The following SMOC1 variants were observed in gnomAD, a reference collection of about 807,000 sequenced individuals.
SMOC1 encodes SPARC related modular calcium binding 1.
A neutral mutation model predicts 56.3 loss-of-function variants in SMOC1; 22 were observed. The observed-to-expected ratio is 0.39, with a 90% CI of 0.28 to 0.56. The LOEUF is 0.56. Ranked by LOEUF, SMOC1 falls within the 20% of genes least tolerant of loss-of-function variation. The pLI, the probability that SMOC1 is intolerant of heterozygous loss-of-function variation, is 0.61. For missense variants in SMOC1, 509 were observed against 565.4 expected (o/e 0.90, Z 1.01); for synonymous variants, 193 against 215.0 (o/e 0.90, Z 0.89).
intron 1 of SMOC1, among the ~76,000 whole-genome samples, chr14:69,917,447 A>C (rs761677841): frequency 1.3e-5 from 2 of 152,232 alleles, no homozygotes; most frequent in Non-Finnish European, 2.9e-5. Flanking sequence ...TTGCATTAAA[A>C]GAAAACAAAA....
intron 6 of SMOC1, among the ~76,000 whole-genome samples, chr14:69,993,643 G>A (rs1884651642): frequency 6.6e-6 from 1 of 152,178 alleles, no homozygotes; most frequent in South Asian, 2.1e-4. Context: ...GCTCACTTAT[G>A]GGAAGTTTTG....
rs976845776 is a variant in SMOC1 at position 70,031,681 on chromosome 14, G to T, written c.*1423G>T. ...GCATCTTCCGCGGATTCTAGGGTGG[G>T]CTGCCCAGCCTTCTGGTCTGAGGCG... On this transcript the variant is annotated 3_prime_UTR_variant, in exon 12 of 12. Transcript: ENST00000361956. 3 of 152,288 alleles carry T rather than the reference G, an allele frequency of 2.0e-5. No individual in the cohort carries two copies. The East Asian group carries it at 5.8e-4, about 29-fold the overall frequency. The allele number at this position is 152,288 out of a possible 1,614,324, so 9.4% of individuals were successfully genotyped here.
At chr14:69,975,843 A>G (rs1322256576) in intron 4 of SMOC1, 29 bp downstream of exon 4, 3 of 1,548,188 alleles carry the variant, frequency 1.9e-6, no homozygotes, top group Non-Finnish European at 2.7e-6. Flanking sequence ...GGAAGAATGA[A>G]AAGGGTTGGA....
At chr14:69,903,569 T>C (rs1884321310) in intron 1 of SMOC1, among the ~76,000 whole-genome samples, 1 of 152,252 alleles carries the variant, frequency 6.6e-6, no homozygotes, top group African/African-American at 2.4e-5. Context: ...GAAAAATTCC[T>C]CTGCCTTGGG....
chr14:69,908,889 GGT>G (rs143641408), intron 1 of SMOC1, among the ~76,000 whole-genome samples: 13 of 151,842 alleles, frequency 8.6e-5, no homozygotes, highest in African/African-American at 2.2e-4. Context: ...GGGGTGTGGG[GGT>G]GTGTGTGTGT....
Position 69,975,751 on chromosome 14 carries a change from G to A in SMOC1, c.415G>A (p.Val139Ile). The change falls in exon 4 of 12, where the codon GTC becomes ATC. Residue 139 changes from valine to isoleucine, a missense_variant. Physicochemically the swap from Val to Ile is conservative, Grantham distance 29. Around this residue, in one of 3 missense-constraint regions of SMOC1, gnomAD observed 315 missense variants for 333.1 expected, o/e 0.95. Transcript: ENST00000361956. Reference protein sequence around the residue: ...CHTYTGYCWCVTPDGKPISGS... With the variant: ...CHTYTGYCWCITPDGKPISGS... ...TACTTACACTGGGTACTGCTGGTGT[G>A]TCACCCCGGATGGGAAGCCCATCAG... 1 of 1,613,136 alleles carries A rather than the reference G, an allele frequency of 6.2e-7. No individual in the cohort carries two copies. Among genetic ancestry groups the A allele is most frequent in the Non-Finnish European group, 8.5e-7 (1 of 1,179,980 alleles).
chr14:69,955,420 G>T (rs1883148651), intron 3 of SMOC1, among the ~76,000 whole-genome samples: 1 of 152,008 alleles, frequency 6.6e-6, no homozygotes, highest in Non-Finnish European at 1.5e-5. Flanking sequence ...TGATTATTAT[G>T]ATTGCTTATC....
At chr14:69,967,600 G>C (rs755247911) in intron 3 of SMOC1, among the ~76,000 whole-genome samples, 18 of 152,094 alleles carry the variant, frequency 1.2e-4, no homozygotes, top group Admixed American at 1.2e-3. Flanking sequence ...AAAAGGTAGG[G>C]GAAAAGGATA....
intron 1 of SMOC1, among the ~76,000 whole-genome samples, chr14:69,932,353 C>G (rs1885188209): frequency 6.6e-6 from 1 of 152,336 alleles, no homozygotes; most frequent in South Asian, 2.1e-4. Flanking sequence ...TGAGCTTCCT[C>G]TGCTGCGCTG....
intron 1 of SMOC1, among the ~76,000 whole-genome samples, chr14:69,920,633 A>C (rs1884813443): frequency 6.6e-6 from 1 of 152,220 alleles, no homozygotes; most frequent in South Asian, 2.1e-4. Context: ...AACTGCAAAA[A>C]CAGTTGCTGC....
At chr14:69,946,857 A>G (rs924217124) in intron 1 of SMOC1, among the ~76,000 whole-genome samples, 2 of 152,162 alleles carry the variant, frequency 1.3e-5, no homozygotes, top group Non-Finnish European at 2.9e-5. Context: ...TGTCCTTGCA[A>G]TAGTGAGTAC....
At chr14:69,899,629 G>A (rs570444251) in intron 1 of SMOC1, among the ~76,000 whole-genome samples, 16 of 152,260 alleles carry the variant, frequency 1.1e-4, no homozygotes, top group African/African-American at 3.4e-4. Context: ...ATGTGAGAAC[G>A]GACTAATACA....
chr14:69,915,597 C>G (rs1364106113), intron 1 of SMOC1, among the ~76,000 whole-genome samples: 2 of 152,200 alleles, frequency 1.3e-5, no homozygotes, highest in Admixed American at 1.3e-4. Context: ...TTTCCCTGAT[C>G]CCTTGTCTCT....
At chr14:70,014,872 C>T (rs1172355863) in intron 10 of SMOC1, among the ~76,000 whole-genome samples, 1 of 152,196 alleles carries the variant, frequency 6.6e-6, no homozygotes, top group Admixed American at 6.5e-5. Context: ...TGGAAGGACC[C>T]CAGCATAGCT....
At chr14:69,932,346 G>A (rs1188447902) in intron 1 of SMOC1, among the ~76,000 whole-genome samples, 1 of 152,326 alleles carries the variant, frequency 6.6e-6, no homozygotes, top group Middle Eastern at 3.4e-3. Flanking sequence ...CAGGTGATGA[G>A]CTTCCTCTGC....
At chr14:69,955,332 C>T (rs556404670) in intron 3 of SMOC1, among the ~76,000 whole-genome samples, 12 of 152,182 alleles carry the variant, frequency 7.9e-5, no homozygotes, top group African/African-American at 2.2e-4. Flanking sequence ...CACCTGGGCA[C>T]GAAGCTCAGC....
rs901674194 is a variant in SMOC1, at chr14:70,031,918, G to A, written c.*1660G>A. Reference sequence around the variant, plus strand: ...CTAAAAGTACCTCCACCCGTTCCGGGTCTGGAAGGCGTTGGCACCACAAGC... The same window carrying A: ...CTAAAAGTACCTCCACCCGTTCCGGATCTGGAAGGCGTTGGCACCACAAGC... On this transcript the variant is annotated 3_prime_UTR_variant, in exon 12 of 12. Transcript: ENST00000361956. 1 of 152,414 alleles carries A rather than the reference G, an allele frequency of 6.6e-6. No homozygotes were observed. The highest frequency in any genetic ancestry group is 6.5e-5 in the Admixed American group (1 of 15,282). The allele number at this position is 152,414 out of a possible 1,614,324, so 9.4% of individuals were successfully genotyped here.
At chr14:70,001,695 T>C (rs1235405264) in intron 7 of SMOC1, among the ~76,000 whole-genome samples, 3 of 152,248 alleles carry the variant, frequency 2.0e-5, no homozygotes, top group Admixed American at 6.5e-5. Context: ...GACAAGCTAA[T>C]AGGAATAGTA....
chr14:69,964,022 C>T (rs1192562107), intron 3 of SMOC1, among the ~76,000 whole-genome samples: 1 of 152,196 alleles, frequency 6.6e-6, no homozygotes, highest in Non-Finnish European at 1.5e-5. Context: ...TGGGGACTCG[C>T]CTATCCCACT....
Sources: allele counts gnomAD v4.1 joint callset (sites outside exome capture counted in the v4.1 genomes callset), GRCh38; gene constraint gnomAD v4.1.1; regional missense constraint gnomAD v4.1.1; transcripts MANE v1.5; gene names NCBI Gene and HGNC (gene_info 2026-07-23, HGNC 2026-07-21).